Variants in SFTPB observed in about 807,000 individuals in gnomAD.
SFTPB encodes pulmonary surfactant-associated protein B.
SFTPB carries 32 observed loss-of-function variants against 51.0 expected under a neutral mutation model. The observed-to-expected ratio is 0.63, with a 90% CI of 0.47 to 0.84. The LOEUF (loss-of-function observed/expected upper bound fraction) is 0.84. Among genes scored for constraint, SFTPB ranks in the 40% least tolerant of loss-of-function variants. SFTPB has a pLI of 0.00. For missense variants in SFTPB, 431 were observed against 491.2 expected (o/e 0.88, Z 1.16); for synonymous variants, 211 against 208.5 (o/e 1.01, Z -0.10).
At chr2:85,662,497 C>T (rs1402627398) in intron 8 of SFTPB, among the ~76,000 whole-genome samples, 11 of 152,144 alleles carry the variant, frequency 7.2e-5, no homozygotes, top group African/African-American at 2.7e-4. Context: ...CAGCTGCCTC[C>T]TGGGAAGAGC....
intron 2 of SFTPB, 113 bp from the exon 3 acceptor site, chr2:85,667,290 C>T: frequency 1.2e-6 from 1 of 805,690 alleles, no homozygotes; most frequent in Non-Finnish European, 2.2e-6. Flanking sequence ...GCACATGCAG[C>T]TGCCCACCAG....
intron 4 of SFTPB, among the ~76,000 whole-genome samples, chr2:85,666,183 T>C (rs1375583966): frequency 2.0e-5 from 3 of 150,338 alleles, no homozygotes; most frequent in Admixed American, 6.6e-5. Flanking sequence ...TGTGTGTGTG[T>C]GTGTGTGGCC....
At chr2:85,667,325 A>G in intron 2 of SFTPB, 148 bp from the exon 3 acceptor site, 1 of 701,028 alleles carries the variant, frequency 1.4e-6, no homozygotes. Flanking sequence ...TCTCATCCAT[A>G]TCAATTTATC....
intron 10 of SFTPB, chr2:85,661,155 G>T (rs768568543): frequency 3.0e-4 from 100 of 332,082 alleles, no homozygotes; most frequent in Non-Finnish European, 4.9e-4. Context: ...GAGAGTCCCT[G>T]GGGCAAGCTC....
intron 7 of SFTPB, 74 bp from the exon 8 acceptor site, chr2:85,663,565 TG>T (rs1677417746): frequency 6.3e-7 from 1 of 1,598,096 alleles, no homozygotes; most frequent in African/African-American, 1.3e-5. Flanking sequence ...TCCTCCTTGG[TG>T]CATTGCAGTG....
chr2:85,662,070 T>C lies in SFTPB; in HGVS notation c.1042A>G (p.Thr348Ala). Reference sequence around the variant, plus strand: ...GCATCCCAGCCCCTGGGCACCAGGGTCAGCAGCTGGGGCGTGTGCTGCTCC... The same window carrying C: ...GCATCCCAGCCCCTGGGCACCAGGGCCAGCAGCTGGGGCGTGTGCTGCTCC... ...FVEQHTPQLL[T>A]LVPRGWDAHT... is the part of the protein sequence containing the mutation. Residue 348 changes from threonine to alanine, a missense_variant, in exon 9 of 11, where the codon ACC becomes GCC. Physicochemically the swap from Thr to Ala is moderately conservative, Grantham distance 58. Transcript: ENST00000519937. 6.2e-7 allele frequency: 1 copy of C among 1,603,916 alleles called. No individual in the cohort carries two copies. The highest frequency in any genetic ancestry group is 1.7e-4 in the Middle Eastern group (1 of 6,042).
chr2:85,663,960 G>GA, intron 6 of SFTPB, 113 bp from the exon 7 acceptor site: 3 of 1,004,604 alleles, frequency 3.0e-6, no homozygotes, highest in Non-Finnish European at 4.4e-6. Flanking sequence ...TCTTCTAGAA[G>GA]GGAGGGCAAG....
intron 2 of SFTPB, 92 bp from the exon 3 acceptor site, chr2:85,667,269 A>C: frequency 2.1e-6 from 2 of 948,910 alleles, no homozygotes; most frequent in Non-Finnish European, 3.5e-6. Context: ...AGGCCAACAG[A>C]GCACTCCAAG....
At chr2:85,659,991 G>A (rs1455564545) in intron 10 of SFTPB, among the ~76,000 whole-genome samples, 1 of 152,194 alleles carries the variant, frequency 6.6e-6, no homozygotes, top group South Asian at 2.1e-4. Context: ...GGCTTGTGAT[G>A]CAGGGTTTCA....
At chr2:85,665,156 G>A (rs1677507408) in intron 6 of SFTPB, 133 bp downstream of exon 6, 7 of 780,952 alleles carry the variant, frequency 9.0e-6, no homozygotes, top group Middle Eastern at 3.5e-4. Flanking sequence ...ATGCACAAGC[G>A]GCTCTCTCCC....
chr2:85,668,149 A>C lies in SFTPB; in HGVS notation c.35T>G (p.Leu12Arg), dbSNP rs1184443469. ...AESHLLQWLL[L>R]LLPTLCGPGT... is the part of the protein sequence containing the mutation. ...TGGGCCACAGAGCGTGGGCAGCAGC[A>C]GCAGCAGCCACTGCAGCAGGTGTGA... The change falls in exon 1 of 11, where the codon CTG (leucine) becomes CGG (arginine). Residue 12 changes from leucine (L) to arginine (R), a missense_variant. Coordinates refer to ENST00000519937, the MANE Select transcript of SFTPB (RefSeq NM_000542.5). 1 of 1,551,178 alleles carries C rather than the reference A, an allele frequency of 6.4e-7. No individual in the cohort carries two copies. Among genetic ancestry groups the C allele is most frequent in the African/African-American group, 1.4e-5 (1 of 73,172 alleles).
intron 3 of SFTPB, 45 bp from the exon 4 acceptor site, chr2:85,666,787 AC>A: frequency 6.2e-7 from 1 of 1,612,546 alleles, no homozygotes; most frequent in South Asian, 1.1e-5. Flanking sequence ...TCTGAGGTCT[AC>A]CCCGCCCAAG....
At chr2:85,660,145 C>T (rs547635678) in intron 10 of SFTPB, among the ~76,000 whole-genome samples, 21 of 143,626 alleles carry the variant, frequency 1.5e-4, no homozygotes, top group Middle Eastern at 3.7e-3. Context: ...TTTTTTGAGA[C>T]GGAGTCTCAC....
intron 9 of SFTPB, 58 bp from the exon 10 acceptor site, chr2:85,661,593 GCT>G: frequency 7.0e-7 from 1 of 1,430,772 alleles, no homozygotes. Context: ...CCCACACCCA[GCT>G]CTTCCGGGAA....
At chr2:85,667,518 C>T (rs1047592194) in intron 2 of SFTPB, among the ~76,000 whole-genome samples, 161 bp downstream of exon 2, 6 of 152,158 alleles carry the variant, frequency 3.9e-5, no homozygotes, top group African/African-American at 9.7e-5. Flanking sequence ...CGTATCCCAT[C>T]GCATCCATCC....
chr2:85,668,129 C>T lies in SFTPB; in HGVS notation c.55G>A (p.Gly19Ser). The change falls in exon 1 of 11, where the codon GGC becomes AGC. Residue 19 changes from glycine (G) to serine (S), a missense_variant. Coordinates refer to ENST00000519937, the MANE Select transcript of SFTPB (RefSeq NM_000542.5). ...WLLLLLPTLC[G>S]PGTAAWTTSS... Reference sequence around the variant, plus strand: ...GGGGGAGACTCACCAGTGCCTGGGCCACAGAGCGTGGGCAGCAGCAGCAGC... The same window carrying T: ...GGGGGAGACTCACCAGTGCCTGGGCTACAGAGCGTGGGCAGCAGCAGCAGC... 1.0e-5 allele frequency: 16 copies of T among 1,551,296 alleles called. No homozygotes were observed. The highest frequency in any genetic ancestry group is 1.4e-5 in the Non-Finnish European group (16 of 1,146,790).
upstream of SFTPB, chr2:85,668,276 T>C: frequency 8.0e-7 from 1 of 1,247,740 alleles, no homozygotes; most frequent in Non-Finnish European, 1.1e-6. Context: ...GCGACCTCAG[T>C]GTTTGTCTTT....
intron 8 of SFTPB, among the ~76,000 whole-genome samples, chr2:85,662,767 G>A (rs538675305): frequency 1.3e-5 from 2 of 150,532 alleles, no homozygotes; most frequent in Non-Finnish European, 2.9e-5. Flanking sequence ...CCTGAACCCG[G>A]AGGCAGAGGT....
intron 4 of SFTPB, among the ~76,000 whole-genome samples, chr2:85,666,208 G>GTGTGTGC (rs1190281178): frequency 7.8e-6 from 1 of 127,778 alleles, no homozygotes; most frequent in Non-Finnish European, 1.6e-5. Flanking sequence ...GGGGTGCTGT[G>GTGTGTGC]TGTGTGCTGT....
Sources: gnomAD v4.1 joint callset for allele counts (sites outside exome capture counted in the v4.1 genomes callset) on GRCh38, gnomAD v4.1.1 for gene constraint, MANE v1.5 for transcripts, NCBI Gene and HGNC (gene_info 2026-07-23, HGNC 2026-07-21) for gene names.